POLR3H: variants seen among roughly 807,000 people sequenced by gnomAD.
The protein encoded by POLR3H is RNA polymerase III subunit H.
POLR3H carries 17 observed loss-of-function variants against 25.5 expected under a neutral mutation model. The observed-to-expected ratio is 0.67, with a 90% CI of 0.46 to 1.00. POLR3H has a LOEUF of 1.00. Ranked by LOEUF, POLR3H falls within the 50% of genes least tolerant of loss-of-function variation. POLR3H has a pLI of 0.00. For synonymous variants in POLR3H, 129 were observed against 103.0 expected (o/e 1.25, Z -1.53); for missense variants, 274 against 265.0 (o/e 1.03, Z -0.24).
At chr22:41,536,857 ACT>A (rs1221657111) in intron 2 of POLR3H, among the ~76,000 whole-genome samples, 6 of 122,032 alleles carry the variant, frequency 4.9e-5, no homozygotes, top group South Asian at 2.8e-4. Context: ...GACAGAGAAG[ACT>A]CTGTCTCAAA....
Position 41,528,548 on chromosome 22 carries a change from G to T in POLR3H, c.*735C>A. On this transcript the variant is annotated 3_prime_UTR_variant, in exon 6 of 6. Transcript: ENST00000355209. ...CATCCTCCTGAACCACACCTTCAAC[G>T]AGACGCAGATTGAGTGGTTCCGCGC... 2 of 1,613,182 alleles carry T rather than the reference G, an allele frequency of 1.2e-6. No homozygotes were observed. The highest frequency in any genetic ancestry group is 1.7e-6 in the Non-Finnish European group (2 of 1,180,024).
rs763646019 is a variant in POLR3H, at chr22:41,528,448, A to C, written c.*835T>G. 2 of 1,609,184 alleles carry C rather than the reference A, an allele frequency of 1.2e-6. No homozygotes were observed. The highest frequency in any genetic ancestry group is 1.7e-6 in the Non-Finnish European group (2 of 1,178,746). ...GGGCCAAGGGCACACAGTACCCACC[A>C]CTTCCACCCACACCCACCTTCTCCT... is the stretch of plus-strand genomic sequence containing the variant. On this transcript the variant is annotated 3_prime_UTR_variant, in exon 6 of 6. Coordinates refer to ENST00000355209, the MANE Select transcript of POLR3H (RefSeq NM_001018050.4).
At position 41,527,384 on chromosome 22, in the gene POLR3H, C is replaced by T. The variant is rs768950391; in HGVS notation, c.*1899G>A. Reference sequence around the variant, plus strand: ...TCTGGAGCCTCGCCACCTTGGGGGCCGGGCCATCATCACCAAGAGCTTTGC... The same window carrying T: ...TCTGGAGCCTCGCCACCTTGGGGGCTGGGCCATCATCACCAAGAGCTTTGC... On this transcript the variant is annotated 3_prime_UTR_variant, in exon 6 of 6. Transcript: ENST00000355209. 7.7e-5 allele frequency: 125 copies of T among 1,613,380 alleles called. 1 individual carries two copies. The highest frequency in any genetic ancestry group is 1.0e-4 in the Non-Finnish European group (120 of 1,179,918).
chr22:41,528,535 C>G lies in POLR3H; in HGVS notation c.*748G>C. Reference sequence around the variant, plus strand: ...GGACCCAGGAGACCATCCTCCTGAACCACACCTTCAACGAGACGCAGATTG... The same window carrying G: ...GGACCCAGGAGACCATCCTCCTGAAGCACACCTTCAACGAGACGCAGATTG... On this transcript the variant is annotated 3_prime_UTR_variant, in exon 6 of 6. Coordinates refer to ENST00000355209, the MANE Select transcript of POLR3H (RefSeq NM_001018050.4). 6.2e-7 allele frequency: 1 copy of G among 1,613,176 alleles called. No individual in the cohort carries two copies. The highest frequency in any genetic ancestry group is 8.5e-7 in the Non-Finnish European group (1 of 1,180,044).
intron 5 of POLR3H, chr22:41,529,787 G>A (rs1189290722): frequency 2.3e-5 from 10 of 434,222 alleles, no homozygotes; most frequent in Admixed American, 1.9e-4. Flanking sequence ...AGACAGTCTC[G>A]CACTGTCACC....
chr22:41,544,382 T>TCCACGCCACG lies in POLR3H; in HGVS notation c.-282_-281insCGTGGCGTGG, dbSNP rs200175449. ...GCCACGCCACTCCACGCCACGCCAC[T>TCCACGCCACG]CCACGCCCCGCACCCGCGCCACGTG... On this transcript the variant is annotated 5_prime_UTR_variant, in exon 1 of 6. Transcript: ENST00000355209. 5 of 291,578 alleles carry TCCACGCCACG rather than the reference T, an allele frequency of 1.7e-5. No individual in the cohort carries two copies. Among genetic ancestry groups the TCCACGCCACG allele is most frequent in the Non-Finnish European group, 2.5e-5 (4 of 160,464 alleles). The allele number at this position is 291,578 out of a possible 1,614,324, so 18.1% of individuals were successfully genotyped here. A position where few individuals can be genotyped will look rare whatever the true frequency, so the allele number is the denominator to read the frequency against.
rs376440424 is a variant in POLR3H at position 41,528,460 on chromosome 22, A to T, written c.*823T>A. Reference sequence around the variant, plus strand: ...CACAGTACCCACCACTTCCACCCACACCCACCTTCTCCTTGCAGCCCCTGA... The same window carrying T: ...CACAGTACCCACCACTTCCACCCACTCCCACCTTCTCCTTGCAGCCCCTGA... On this transcript the variant is annotated 3_prime_UTR_variant, in exon 6 of 6. Transcript: ENST00000355209. The T allele has an allele frequency of 4.3e-6, 7 of 1,610,654 alleles. No individual in the cohort carries two copies. In the African/African-American group the frequency reaches 6.7e-5, roughly 15 times the overall value.
intron 1 of POLR3H, among the ~76,000 whole-genome samples, chr22:41,543,276 G>A (rs1180462428): frequency 6.6e-6 from 1 of 152,188 alleles, no homozygotes; most frequent in Non-Finnish European, 1.5e-5. Flanking sequence ...CTGCTGGAAT[G>A]AAGGGATGAA....
Position 41,544,059 on chromosome 22 carries a change from G to A in POLR3H, c.43C>T (p.Pro15Ser), listed in dbSNP as rs192618902. 1.2e-6 allele frequency: 2 copies of A among 1,613,684 alleles called. No individual in the cohort carries two copies. Among genetic ancestry groups the A allele is most frequent in the East Asian group, 2.2e-5 (1 of 44,876 alleles). The change falls in exon 1 of 6, where the codon CCT (proline) becomes TCT (serine). Residue 15 changes from proline (P) to serine (S), a missense_variant. Physicochemically the swap from Pro to Ser is moderately conservative, Grantham distance 74. Coordinates refer to ENST00000355209, the MANE Select transcript of POLR3H (RefSeq NM_001018050.4). ...VEMVDTVRIP[P>S]WQFERKLNDS... ...TTGAGCTTCCTCTCAAACTGCCAAG[G>A]GGGGATCCGGACGGTGTCCACCATT... is the stretch of plus-strand genomic sequence containing the variant.
chr22:41,531,656 C>G (rs980016817), intron 4 of POLR3H, among the ~76,000 whole-genome samples: 8 of 152,220 alleles, frequency 5.3e-5, no homozygotes, highest in African/African-American at 9.6e-5. Context: ...AGGGGTGGGA[C>G]AGGGACAACG....
At position 41,528,303 on chromosome 22, in the gene POLR3H, C is replaced by T. The variant is rs911992375; in HGVS notation, c.*980G>A. 156 of 965,766 alleles carry T rather than the reference C, an allele frequency of 1.6e-4. No homozygotes were observed. The highest frequency in any genetic ancestry group is 4.0e-4 in the Admixed American group (14 of 34,798). 59.8% of individuals were successfully genotyped at this position (965,766 alleles called of 1,614,324 possible). Reference sequence around the variant, plus strand: ...GCAGGACCCTCTGGGCCCCAGGAATCCCCTGTAGGTGCCACCTGGGTCTGA... The same window carrying T: ...GCAGGACCCTCTGGGCCCCAGGAATTCCCTGTAGGTGCCACCTGGGTCTGA... On this transcript the variant is annotated 3_prime_UTR_variant, in exon 6 of 6. Transcript: ENST00000355209.
rs1601938744 is a variant in POLR3H at position 41,528,010 on chromosome 22, C to T, written c.*1273G>A. ...TGACCATTCAGGGCCTGAAGGACTT[C>T]ACCCCTGGCAAGGTTAGGGGCCCGG... On this transcript the variant is annotated 3_prime_UTR_variant, in exon 6 of 6. Coordinates refer to ENST00000355209, the MANE Select transcript of POLR3H (RefSeq NM_001018050.4). 6.2e-7 allele frequency: 1 copy of T among 1,614,172 alleles called. No individual in the cohort carries two copies. Among genetic ancestry groups the T allele is most frequent in the African/African-American group, 1.3e-5 (1 of 75,054 alleles).
At chr22:41,540,298 T>C (rs1298601021) in intron 2 of POLR3H, 1 of 348,184 alleles carries the variant, frequency 2.9e-6, no homozygotes, top group Non-Finnish European at 5.6e-6. Context: ...CACAGAGCTA[T>C]GAAGTCAGAG....
Position 41,528,623 on chromosome 22 carries a change from C to G in POLR3H, c.*660G>C. On this transcript the variant is annotated 3_prime_UTR_variant, in exon 6 of 6. Transcript: ENST00000355209. ...GGAACTGCAACAGTGAGGGCAGTGCCTCCCCGCCCCGCCGCTGGCGTCAAG... is the reference window on the plus strand; with the variant it reads ...GGAACTGCAACAGTGAGGGCAGTGCGTCCCCGCCCCGCCGCTGGCGTCAAG... The G allele has an allele frequency of 3.9e-6, 6 of 1,543,420 alleles. No individual in the cohort carries two copies. The highest frequency in any genetic ancestry group is 5.2e-6 in the Non-Finnish European group (6 of 1,148,848).
At chr22:41,539,735 T>G (rs2066901176) in intron 2 of POLR3H, 1 of 152,536 alleles carries the variant, frequency 6.6e-6, no homozygotes, top group South Asian at 2.1e-4. Flanking sequence ...CCTGGCCTAC[T>G]GAAAGATGAG....
At chr22:41,543,514 G>A (rs1366553479) in intron 1 of POLR3H, among the ~76,000 whole-genome samples, 1 of 151,940 alleles carries the variant, frequency 6.6e-6, no homozygotes, top group Non-Finnish European at 1.5e-5. Context: ...CCAGCTACTC[G>A]GGAGGCTGGG....
chr22:41,529,966 A>G (rs1043972596), intron 5 of POLR3H, among the ~76,000 whole-genome samples: 4 of 151,958 alleles, frequency 2.6e-5, no homozygotes, highest in East Asian at 1.9e-4. Context: ...CGTGTTAGCC[A>G]GGATGGTCTC....
chr22:41,531,820 C>T (rs558618686), intron 4 of POLR3H, among the ~76,000 whole-genome samples: 22 of 152,338 alleles, frequency 1.4e-4, no homozygotes, highest in Admixed American at 1.2e-3. Context: ...AATGGTGTCC[C>T]CCAGGACACC....
intron 2 of POLR3H, among the ~76,000 whole-genome samples, chr22:41,537,013 G>A (rs1030226809): frequency 1.3e-5 from 2 of 152,046 alleles, no homozygotes; most frequent in Admixed American, 6.6e-5. Flanking sequence ...TCACAAAGGA[G>A]CGCTGCTCTA....
Sources: allele counts gnomAD v4.1 joint callset (sites outside exome capture counted in the v4.1 genomes callset), GRCh38; gene constraint gnomAD v4.1.1; transcripts MANE v1.5; gene names NCBI Gene and HGNC (gene_info 2026-07-23, HGNC 2026-07-21).